CNTN6: variants seen among roughly 807,000 people sequenced by gnomAD.
CNTN6 encodes contactin 6.
CNTN6 carries 137 observed loss-of-function variants against 122.8 expected under a neutral mutation model. The observed-to-expected ratio is 1.12, with a 90% CI of 0.97 to 1.29. CNTN6 has a LOEUF of 1.29. Ranked by LOEUF, CNTN6 falls within the 50% of genes most tolerant of loss-of-function variation. The probability of loss-of-function intolerance (pLI) is 0.00; values close to 1 mark genes in which losing one functional copy is unlikely to be tolerated. For missense variants in CNTN6, 1,634 were observed against 1,223.4 expected, an observed-to-expected ratio of 1.34 and a Z score of -5.01; for synonymous variants, 570 against 426.0, an observed-to-expected ratio of 1.34 and a Z score of -4.16.
intron 1 of CNTN6, among the ~76,000 whole-genome samples, chr3:1,107,446 T>G (rs1437792840): frequency 6.6e-6 from 1 of 152,156 alleles, no homozygotes; most frequent in African/African-American, 2.4e-5. Context: ...TTGCCATTCA[T>G]GTAGATGTCA....
At position 1,297,915 on chromosome 3, in the gene CNTN6, A is replaced by G. The variant is rs761542823; in HGVS notation, c.685A>G (p.Ile229Val). ...TGTGATGGGGGAATATGAACCAAAG[A>G]TTGAAGTGCGTTTTCCTGAAACTAT... Reference protein sequence around the residue: ...DGVMGEYEPKIEVRFPETIQA... With the variant: ...DGVMGEYEPKVEVRFPETIQA... Residue 229 changes from isoleucine (I) to valine (V), a missense_variant, in exon 7 of 23, where the codon ATT becomes GTT. Physicochemically the swap from Ile to Val is conservative, Grantham distance 29. Transcript: ENST00000446702. 1 of 1,612,744 alleles carries G rather than the reference A, an allele frequency of 6.2e-7. No individual in the cohort carries two copies. Among genetic ancestry groups the G allele is most frequent in the Non-Finnish European group, 8.5e-7 (1 of 1,179,508 alleles).
chr3:1,251,272 C>A (rs570564052), intron 4 of CNTN6, among the ~76,000 whole-genome samples: 22 of 152,098 alleles, frequency 1.4e-4, no homozygotes, highest in South Asian at 6.2e-4. Flanking sequence ...GCCAGTTCCA[C>A]CCATAATCTG....
chr3:1,355,935 A>T (rs1311893002), intron 12 of CNTN6, among the ~76,000 whole-genome samples: 1 of 151,840 alleles, frequency 6.6e-6, no homozygotes, highest in Non-Finnish European at 1.5e-5. Context: ...TTTCTATTTC[A>T]CTAATACAGC....
intron 4 of CNTN6, among the ~76,000 whole-genome samples, chr3:1,243,119 T>TG (rs1045139367): frequency 6.6e-6 from 1 of 152,086 alleles, no homozygotes; most frequent in Non-Finnish European, 1.5e-5. Context: ...CAGAGAGCCT[T>TG]GGGCCAGAGT....
At chr3:1,336,206 G>C (rs1703042361) in intron 11 of CNTN6, among the ~76,000 whole-genome samples, 1 of 151,784 alleles carries the variant, frequency 6.6e-6, no homozygotes, top group Admixed American at 6.6e-5. Context: ...CTAAATGTCA[G>C]AAAAAGTCTC....
intron 1 of CNTN6, among the ~76,000 whole-genome samples, chr3:1,121,692 T>C (rs1475047724): frequency 1.3e-5 from 2 of 151,922 alleles, no homozygotes; most frequent in African/African-American, 4.8e-5. Flanking sequence ...ATTTTTCATG[T>C]TGCTACACAG....
chr3:1,202,543 A>AAAATAAATAAATAAAT (rs201394766), intron 2 of CNTN6, among the ~76,000 whole-genome samples: 12 of 126,504 alleles, frequency 9.5e-5, no homozygotes, highest in Non-Finnish European at 2.1e-4. Flanking sequence ...TCCGTCTCAA[A>AAAATAAATAAATAAAT]AAATAAATAA....
intron 1 of CNTN6, among the ~76,000 whole-genome samples, chr3:1,114,208 G>T (rs1426307607): frequency 6.6e-6 from 1 of 152,178 alleles, no homozygotes; most frequent in Non-Finnish European, 1.5e-5. Context: ...AAAGAAAGGA[G>T]AAGAGCAGTG....
intron 4 of CNTN6, among the ~76,000 whole-genome samples, chr3:1,260,908 C>T (rs1021480005): frequency 1.3e-5 from 2 of 152,068 alleles, no homozygotes; most frequent in African/African-American, 4.8e-5. Context: ...TATAAATTAC[C>T]CAGTGTCAGG....
intron 2 of CNTN6, among the ~76,000 whole-genome samples, chr3:1,218,347 G>A (rs556515190): frequency 7.9e-5 from 12 of 152,266 alleles, no homozygotes; most frequent in African/African-American, 2.6e-4. Context: ...TCTGAAAGAT[G>A]TGAGAAAGCG....
intron 12 of CNTN6, among the ~76,000 whole-genome samples, chr3:1,370,868 T>TA (rs562152335): frequency 7.2e-4 from 109 of 151,218 alleles, no homozygotes; most frequent in Non-Finnish European, 1.2e-3. Flanking sequence ...ATAACAAAAG[T>TA]AAAAAAAAGT....
intron 12 of CNTN6, among the ~76,000 whole-genome samples, chr3:1,355,416 C>T (rs537209061): frequency 1.2e-4 from 18 of 151,648 alleles, no homozygotes; most frequent in African/African-American, 4.1e-4. Flanking sequence ...ATCTCTAATT[C>T]CCTTTCATAT....
chr3:1,169,964 G>T lies in CNTN6; in HGVS notation c.55+21901G>T, dbSNP rs147551176. 7.8e-3 allele frequency among the ~76,000 whole-genome samples: 1,187 copies of T among 152,200 alleles called. 8 individuals are homozygous for T. The highest frequency in any genetic ancestry group is 0.017 in the Middle Eastern group (5 of 294). Reference sequence around the variant, plus strand: ...AAAAAGAATACTTTCGCCGGTTGCGGTGGCTCATGCCTGTAATCCCAGCAC... The same window carrying T: ...AAAAAGAATACTTTCGCCGGTTGCGTTGGCTCATGCCTGTAATCCCAGCAC... On this transcript the variant is annotated intron_variant, in intron 2 of 22. Coordinates refer to ENST00000446702, the MANE Select transcript of CNTN6 (RefSeq NM_001289080.2).
chr3:1,105,073 T>TA lies in CNTN6; in HGVS notation c.-83+11958dup, dbSNP rs1480049281. 8.5e-5 allele frequency among the ~76,000 whole-genome samples: 13 copies of TA among 152,272 alleles called. No individual in the cohort carries two copies. In the Middle Eastern group the frequency reaches 0.01, roughly 120 times the overall value. On this transcript the variant is annotated intron_variant, in intron 1 of 22. Coordinates refer to ENST00000446702, the MANE Select transcript of CNTN6 (RefSeq NM_001289080.2). ...ATTTGCATGTCAAATTGTGGGTTTTTAAAAATGTGAGTGTGTATATTACTA... is the reference window on the plus strand; with the variant it reads ...ATTTGCATGTCAAATTGTGGGTTTTTAAAAAATGTGAGTGTGTATATTACTA...
chr3:1,390,588 CA>C (rs1165534365), intron 20 of CNTN6, among the ~76,000 whole-genome samples: 3 of 152,000 alleles, frequency 2.0e-5, no homozygotes, highest in Non-Finnish European at 1.5e-5. Context: ...AATAGAGACA[CA>C]AAAAACCCTT....
chr3:1,382,862 G>A, intron 17 of CNTN6, 80 bp from the exon 18 acceptor site: 1 of 943,864 alleles, frequency 1.1e-6, no homozygotes, highest in Non-Finnish European at 1.6e-6. Context: ...TGGAAGAAAT[G>A]TGAAATAATC....
chr3:1,358,232 G>A (rs899245511), intron 12 of CNTN6, among the ~76,000 whole-genome samples: 3 of 151,830 alleles, frequency 2.0e-5, no homozygotes, highest in African/African-American at 7.3e-5. Flanking sequence ...ATATATACAT[G>A]TATGTATATA....
At chr3:1,297,180 C>A (rs1314513012) in intron 6 of CNTN6, among the ~76,000 whole-genome samples, 2 of 151,832 alleles carry the variant, frequency 1.3e-5, no homozygotes, top group African/African-American at 4.8e-5. Flanking sequence ...TTTACTTTTT[C>A]TGCAATTATA....
chr3:1,386,707 T>C (rs1055493096), intron 20 of CNTN6, among the ~76,000 whole-genome samples: 2 of 152,096 alleles, frequency 1.3e-5, no homozygotes, highest in African/African-American at 2.4e-5. Context: ...ATTTTTTTGC[T>C]CTCTGAATCC....
Sources: allele counts gnomAD v4.1 joint callset (sites outside exome capture counted in the v4.1 genomes callset), GRCh38; gene constraint gnomAD v4.1.1; transcripts MANE v1.5; gene names NCBI Gene and HGNC (gene_info 2026-07-23, HGNC 2026-07-21).